HMGA2: variants seen among roughly 807,000 people sequenced by gnomAD.
HMGA2 encodes high mobility group AT-hook 2, also known as high mobility group protein HMGI-C.
A neutral mutation model predicts 19.1 loss-of-function variants in HMGA2; 8 were observed. The ratio of observed to expected loss-of-function variants is 0.42; its 90% CI spans 0.25 to 0.76. HMGA2 has a LOEUF of 0.76. Ranked by LOEUF, HMGA2 falls within the 30% of genes least tolerant of loss-of-function variation. HMGA2 has a pLI of 0.28. For synonymous variants in HMGA2, 60 were observed against 48.8 expected (o/e 1.23, Z -0.96); for missense variants, 109 against 136.3 (o/e 0.80, Z 1.00).
At chr12:65,848,452 G>A (rs898312287) in intron 3 of HMGA2, among the ~76,000 whole-genome samples, 6 of 152,230 alleles carry the variant, frequency 3.9e-5, no homozygotes, top group Middle Eastern at 6.3e-3. Context: ...CATTAAGGCA[G>A]TAGGGTGTAC....
intron 3 of HMGA2, among the ~76,000 whole-genome samples, chr12:65,879,579 T>C (rs377534444): frequency 1.1e-4 from 16 of 152,356 alleles, no homozygotes; most frequent in African/African-American, 3.4e-4. Flanking sequence ...ATGACATTTT[T>C]TTCCTGAAAC....
At chr12:65,845,417 C>T (rs1407692150) in intron 3 of HMGA2, among the ~76,000 whole-genome samples, 9 of 152,024 alleles carry the variant, frequency 5.9e-5, no homozygotes, top group African/African-American at 1.4e-4. Context: ...TATAGTCCCA[C>T]GCCACCATGC....
At chr12:65,915,385 C>G in intron 3 of HMGA2, 1 of 1,304,282 alleles carries the variant, frequency 7.7e-7, no homozygotes, top group South Asian at 1.5e-5. Flanking sequence ...TAGGCACATG[C>G]AGAGCCATGC....
intron 3 of HMGA2, among the ~76,000 whole-genome samples, chr12:65,887,248 G>T (rs771521755): frequency 6.6e-6 from 1 of 152,114 alleles, no homozygotes; most frequent in Non-Finnish European, 1.5e-5. Flanking sequence ...TCTTTTTCAA[G>T]CTGGCATTCC....
At chr12:65,952,413 T>G in intron 4 of HMGA2, 1 of 1,534,688 alleles carries the variant, frequency 6.5e-7, no homozygotes, top group Non-Finnish European at 8.7e-7. Context: ...TCTACTGTTC[T>G]CTAAAAATGC....
intron 4 of HMGA2, chr12:65,953,588 G>T (rs7959830): frequency 0.49 from 75,064 of 151,872 alleles, 19,554 homozygotes; most frequent in East Asian, 0.89. Flanking sequence ...AATCACAGTT[G>T]TTTTTCCCAA....
intron 3 of HMGA2, chr12:65,842,189 T>G (rs1871031073): frequency 1.0e-6 from 1 of 973,742 alleles, no homozygotes; most frequent in African/African-American, 1.7e-5. Context: ...GGTCCGTCAC[T>G]TAGCTAACTG....
chr12:65,915,453 G>C (rs1411393592), intron 3 of HMGA2: 1 of 1,243,636 alleles, frequency 8.0e-7, no homozygotes, highest in Admixed American at 3.5e-5. Flanking sequence ...TCTCGTACAG[G>C]GATCCACCTT....
intron 3 of HMGA2, among the ~76,000 whole-genome samples, chr12:65,868,454 C>A (rs776899041): frequency 2.6e-5 from 4 of 151,972 alleles, no homozygotes; most frequent in African/African-American, 9.7e-5. Context: ...CCACTACGAT[C>A]GTGGAGGAGT....
At chr12:65,895,995 C>T (rs1188485111) in intron 3 of HMGA2, among the ~76,000 whole-genome samples, 1 of 152,168 alleles carries the variant, frequency 6.6e-6, no homozygotes, top group Non-Finnish European at 1.5e-5. Context: ...CTTTGGCTTA[C>T]TGTTTAACCA....
chr12:65,864,407 A>C (rs952386739), intron 3 of HMGA2, among the ~76,000 whole-genome samples: 1 of 152,230 alleles, frequency 6.6e-6, no homozygotes, highest in Admixed American at 6.5e-5. Flanking sequence ...ACAAAATTAC[A>C]TAGCCAGAAA....
At chr12:65,904,091 CTAGT>C (rs1486816819) in intron 3 of HMGA2, among the ~76,000 whole-genome samples, 17 of 152,362 alleles carry the variant, frequency 1.1e-4, no homozygotes, top group African/African-American at 3.6e-4. Flanking sequence ...TTGTAAAGCA[CTAGT>C]TAATCAGAGA....
Position 65,860,239 on chromosome 12 carries a change from G to A in HMGA2, c.249+21670G>A, listed in dbSNP as rs190357725. On this transcript the variant is annotated intron_variant, in intron 3 of 4. Coordinates refer to ENST00000403681, the MANE Select transcript of HMGA2 (RefSeq NM_003483.6). ...GAGAATATTTACATTAAATATGCTCGGAACACTTACATTGGCCTACAGTCA... is the reference window on the plus strand; with the variant it reads ...GAGAATATTTACATTAAATATGCTCAGAACACTTACATTGGCCTACAGTCA... Among the ~76,000 whole-genome samples, 404 of 152,228 alleles carry A rather than the reference G, an allele frequency of 2.7e-3. 1 individual carries two copies. The highest frequency in any genetic ancestry group is 4.4e-3 in the Non-Finnish European group (300 of 68,010).
chr12:65,959,264 G>T (rs996928310), intron 4 of HMGA2, among the ~76,000 whole-genome samples: 3 of 152,136 alleles, frequency 2.0e-5, no homozygotes, highest in Non-Finnish European at 4.4e-5. Flanking sequence ...CAAATTAAAA[G>T]AACAGTGATA....
intron 3 of HMGA2, among the ~76,000 whole-genome samples, chr12:65,937,140 TA>T (rs1238246838): frequency 6.6e-6 from 1 of 152,178 alleles, no homozygotes; most frequent in Non-Finnish European, 1.5e-5. Context: ...AATTTTTTTT[TA>T]AAAGCTACCA....
chr12:65,886,357 T>C (rs1020849846), intron 3 of HMGA2, among the ~76,000 whole-genome samples: 2 of 148,898 alleles, frequency 1.3e-5, no homozygotes, highest in African/African-American at 2.5e-5. Context: ...TTCTTTCTTT[T>C]TCTCTCTTTT....
intron 3 of HMGA2, among the ~76,000 whole-genome samples, chr12:65,940,713 A>G (rs1167403454): frequency 1.3e-5 from 2 of 152,204 alleles, no homozygotes; most frequent in Non-Finnish European, 2.9e-5. Context: ...ATGTGGAGCT[A>G]TACAACCTGG....
At chr12:65,882,973 G>T (rs147442628) in intron 3 of HMGA2, among the ~76,000 whole-genome samples, 1 of 152,330 alleles carries the variant, frequency 6.6e-6, no homozygotes, top group South Asian at 2.1e-4. Flanking sequence ...ACTCTGCCCC[G>T]CTTCCAGGAA....
At chr12:65,867,636 T>C in intron 3 of HMGA2, 2 of 331,528 alleles carry the variant, frequency 6.0e-6, no homozygotes, top group South Asian at 5.0e-5. Context: ...AAGTGGAGGA[T>C]ATGAGTCTTG....
Sources: allele counts gnomAD v4.1 joint callset (sites outside exome capture counted in the v4.1 genomes callset), GRCh38; gene constraint gnomAD v4.1.1; transcripts MANE v1.5; gene names NCBI Gene and HGNC (gene_info 2026-07-23, HGNC 2026-07-21).